FHIT: variants seen among roughly 807,000 people sequenced by gnomAD.
The protein encoded by FHIT is fragile histidine triad diadenosine triphosphatase, also known as bis(5'-adenosyl)-triphosphatase.
In FHIT, 19 loss-of-function variants were observed where a neutral mutation model predicts 17.9. The ratio of observed to expected loss-of-function variants is 1.06; its 90% CI spans 0.74 to 1.56. The LOEUF is 1.56. FHIT is among the 40% of genes most tolerant of loss of function. The probability of loss-of-function intolerance (pLI) is 0.00; values close to 1 mark genes in which losing one functional copy is unlikely to be tolerated. For missense variants in FHIT, 248 were observed against 189.2 expected, an observed-to-expected ratio of 1.31 and a Z score of -1.82; for synonymous variants, 81 against 69.7, an observed-to-expected ratio of 1.16 and a Z score of -0.81.
At chr3:60,621,922 G>C (rs1384943768) in intron 4 of FHIT, among the ~76,000 whole-genome samples, 1 of 151,818 alleles carries the variant, frequency 6.6e-6, no homozygotes, top group African/African-American at 2.4e-5. Flanking sequence ...ATTCTAGAGA[G>C]AATCAACCTT....
chr3:60,102,456 G>T (rs1000904073), intron 5 of FHIT, among the ~76,000 whole-genome samples: 1 of 152,140 alleles, frequency 6.6e-6, no homozygotes, highest in African/African-American at 2.4e-5. Context: ...TATCACTTTG[G>T]AAACATTTAG....
chr3:60,383,818 A>G (rs1700902235), intron 5 of FHIT, among the ~76,000 whole-genome samples: 1 of 152,208 alleles, frequency 6.6e-6, no homozygotes, highest in African/African-American at 2.4e-5. Flanking sequence ...TCTCTAAACA[A>G]CAGCAAAATT....
chr3:60,886,503 A>G (rs1214536313), intron 3 of FHIT, among the ~76,000 whole-genome samples: 1 of 152,198 alleles, frequency 6.6e-6, no homozygotes, highest in Non-Finnish European at 1.5e-5. Flanking sequence ...CAAATATCAC[A>G]TTGACTTCTG....
chr3:60,012,278 T>G (rs1168736469), intron 6 of FHIT, among the ~76,000 whole-genome samples: 1 of 149,450 alleles, frequency 6.7e-6, no homozygotes, highest in Non-Finnish European at 1.5e-5. Context: ...TTTTTTTTTT[T>G]TTTTTTTTGA....
intron 4 of FHIT, among the ~76,000 whole-genome samples, chr3:60,552,591 G>A (rs1414502596): frequency 2.0e-5 from 3 of 151,972 alleles, no homozygotes; most frequent in African/African-American, 4.8e-5. Context: ...TATTCCTAAC[G>A]TATAGTGAAG....
At chr3:60,167,607 G>A (rs1344097488) in intron 5 of FHIT, among the ~76,000 whole-genome samples, 1 of 152,200 alleles carries the variant, frequency 6.6e-6, no homozygotes, top group African/African-American at 2.4e-5. Flanking sequence ...GGGCAACTAT[G>A]TTCTGATATC....
intron 4 of FHIT, among the ~76,000 whole-genome samples, chr3:60,680,550 T>G (rs536420059): frequency 5.9e-5 from 7 of 119,464 alleles, no homozygotes; most frequent in South Asian, 3.2e-4. Flanking sequence ...AAATCCAAAT[T>G]TCATCATCTA....
At chr3:59,935,785 G>A (rs1247606394) in intron 7 of FHIT, among the ~76,000 whole-genome samples, 2 of 151,842 alleles carry the variant, frequency 1.3e-5, no homozygotes, top group Non-Finnish European at 2.9e-5. Flanking sequence ...ATGAATGGAT[G>A]GTTAAAAAAT....
intron 2 of FHIT, among the ~76,000 whole-genome samples, chr3:61,160,981 C>A (rs1263378597): frequency 6.6e-6 from 1 of 152,098 alleles, no homozygotes; most frequent in Non-Finnish European, 1.5e-5. Context: ...ATAGAAATAT[C>A]TGGGTATAAA....
At chr3:60,454,006 A>G (rs181440082) in intron 5 of FHIT, among the ~76,000 whole-genome samples, 1 of 152,172 alleles carries the variant, frequency 6.6e-6, no homozygotes, top group African/African-American at 2.4e-5. Flanking sequence ...AGAAGATGCC[A>G]TGTTCATTTA....
chr3:61,097,635 A>G (rs932577162), intron 2 of FHIT, among the ~76,000 whole-genome samples: 1 of 152,070 alleles, frequency 6.6e-6, no homozygotes, highest in African/African-American at 2.4e-5. Flanking sequence ...CTTTTTAATA[A>G]TAGCCATTTT....
At chr3:60,766,762 C>T (rs917902828) in intron 4 of FHIT, among the ~76,000 whole-genome samples, 2 of 152,168 alleles carry the variant, frequency 1.3e-5, no homozygotes, top group Non-Finnish European at 2.9e-5. Flanking sequence ...CCCCACATCA[C>T]CTTGATCAAG....
At chr3:60,882,594 T>A (rs1553758230) in intron 3 of FHIT, among the ~76,000 whole-genome samples, 1 of 152,098 alleles carries the variant, frequency 6.6e-6, no homozygotes, top group African/African-American at 2.4e-5. Context: ...ATACTTCACA[T>A]TAACAAAATG....
chr3:59,801,792 G>T (rs1313489582), intron 8 of FHIT, among the ~76,000 whole-genome samples: 1 of 152,156 alleles, frequency 6.6e-6, no homozygotes, highest in East Asian at 1.9e-4. Flanking sequence ...AGGTCACTCG[G>T]GTATCTGGCC....
At chr3:60,083,784 G>A (rs919872236) in intron 5 of FHIT, among the ~76,000 whole-genome samples, 1 of 152,208 alleles carries the variant, frequency 6.6e-6, no homozygotes, top group Non-Finnish European at 1.5e-5. Flanking sequence ...GTGTGGCTGT[G>A]TTCCAGTGAA....
At chr3:60,867,144 G>GTAT (rs1704201605) in intron 3 of FHIT, among the ~76,000 whole-genome samples, 1 of 152,136 alleles carries the variant, frequency 6.6e-6, no homozygotes, top group South Asian at 2.1e-4. Flanking sequence ...AAGCTGCTAT[G>GTAT]TATTTGTGGA....
chr3:60,569,972 C>A (rs759854831), intron 4 of FHIT, among the ~76,000 whole-genome samples: 1 of 151,766 alleles, frequency 6.6e-6, no homozygotes, highest in African/African-American at 2.4e-5. Context: ...TCTATTTACC[C>A]AGTGGTACAA....
At chr3:60,010,865 T>C (rs920634313) in intron 7 of FHIT, among the ~76,000 whole-genome samples, 6 of 151,998 alleles carry the variant, frequency 3.9e-5, no homozygotes, top group Non-Finnish European at 8.8e-5. Context: ...AAAGAGTAGG[T>C]GTGGGGGTGA....
intron 5 of FHIT, among the ~76,000 whole-genome samples, chr3:60,236,427 T>C (rs985159713): frequency 1.3e-5 from 2 of 151,944 alleles, no homozygotes; most frequent in African/African-American, 4.8e-5. Flanking sequence ...CTCAGTTTGC[T>C]TCAAATCCCC....
Sources: allele counts gnomAD v4.1 joint callset (sites outside exome capture counted in the v4.1 genomes callset), GRCh38; gene constraint gnomAD v4.1.1; transcripts MANE v1.5; gene names NCBI Gene and HGNC (gene_info 2026-07-23, HGNC 2026-07-21).